Variants in BOLA3 observed in about 807,000 individuals in gnomAD.
BOLA3 encodes bolA family member 3.
In BOLA3, 8 loss-of-function variants were observed where a neutral mutation model predicts 14.5. That is an observed-to-expected ratio of 0.55 (90% CI 0.32 to 0.99). The LOEUF (loss-of-function observed/expected upper bound fraction) is 0.99. BOLA3 is among the 50% of genes least tolerant of loss of function. BOLA3 has a pLI of 0.04. For synonymous variants in BOLA3, 42 were observed against 45.7 expected, an observed-to-expected ratio of 0.92 and a Z score of 0.33; for missense variants, 115 against 138.2, an observed-to-expected ratio of 0.83 and a Z score of 0.84.
At position 74,136,013 on chromosome 2, in the gene BOLA3, G is replaced by A. The variant is rs9917178; in HGVS notation, c.259-355C>T. ...CGCCGAAGTTGGAGTGCAGTGGCGCGATATCGGCTTACTGCAAACTCCACC... is the reference window on the plus strand; with the variant it reads ...CGCCGAAGTTGGAGTGCAGTGGCGCAATATCGGCTTACTGCAAACTCCACC... On this transcript the variant is annotated intron_variant, in intron 3 of 3. Transcript: ENST00000327428. Among the ~76,000 whole-genome samples, 802 of 150,072 alleles carry A rather than the reference G, an allele frequency of 5.3e-3. 7 individuals carry two copies. Among genetic ancestry groups the A allele is most frequent in the African/African-American group, 0.018 (746 of 40,838 alleles).
chr2:74,142,347 C>T lies in BOLA3; in HGVS notation c.183G>A (p.Ala61=), dbSNP rs574945131. Residue 61 remains alanine, a synonymous_variant, in exon 3 of 4, where the codon GCG becomes GCA. Transcript: ENST00000327428. ...KVTDISGGCG[A]MYEIKIESEE... ...CTGATTCAATTTTAATTTCATACATCGCCCCACAACCTCCTAAAATAAACA... is the reference window on the plus strand; with the variant it reads ...CTGATTCAATTTTAATTTCATACATTGCCCCACAACCTCCTAAAATAAACA... The T allele has an allele frequency of 5.0e-6, 8 of 1,612,596 alleles. No homozygotes were observed. The highest frequency in any genetic ancestry group is 3.3e-5 in the South Asian group (3 of 91,052).
chr2:74,146,075 T>G (rs955167321), intron 1 of BOLA3: 9 of 151,562 alleles, frequency 5.9e-5, no homozygotes, highest in African/African-American at 2.2e-4. Flanking sequence ...TCACTGCAAC[T>G]TCCACCTCCC....
intron 2 of BOLA3, among the ~76,000 whole-genome samples, chr2:74,144,521 G>C (rs1692506994): frequency 6.6e-6 from 1 of 151,506 alleles, no homozygotes; most frequent in Non-Finnish European, 1.5e-5. Context: ...GTGTGTACGT[G>C]TGTGTGTGTG....
chr2:74,139,746 T>C (rs551728350), intron 3 of BOLA3, among the ~76,000 whole-genome samples: 1 of 152,326 alleles, frequency 6.6e-6, no homozygotes, highest in East Asian at 1.9e-4. Flanking sequence ...CCCCCTCATG[T>C]CAGCTGCCTG....
At chr2:74,138,445 T>C (rs1025257028) in intron 3 of BOLA3, among the ~76,000 whole-genome samples, 1 of 152,208 alleles carries the variant, frequency 6.6e-6, no homozygotes, top group Non-Finnish European at 1.5e-5. Flanking sequence ...CACTGGTGAC[T>C]GGGGTGGACG....
intron 3 of BOLA3, among the ~76,000 whole-genome samples, chr2:74,139,258 ACT>A (rs1370147715): frequency 6.6e-6 from 1 of 151,972 alleles, no homozygotes; most frequent in African/African-American, 2.4e-5. Context: ...GAAAATTCTG[ACT>A]CTACAGCACC....
chr2:74,142,109 G>A (rs1344435624), intron 3 of BOLA3, among the ~76,000 whole-genome samples, 163 bp downstream of exon 3: 2 of 152,228 alleles, frequency 1.3e-5, no homozygotes, highest in Non-Finnish European at 2.9e-5. Flanking sequence ...CCACAATGCA[G>A]ATACTCCCAG....
chr2:74,135,506 A>AT lies in BOLA3; in HGVS notation c.*86dup. The AT allele has an allele frequency of 1.3e-6, 2 of 1,572,630 alleles. No homozygotes were observed. Among genetic ancestry groups the AT allele is most frequent in the East Asian group, 2.2e-5 (1 of 44,692 alleles). On this transcript the variant is annotated 3_prime_UTR_variant, in exon 4 of 4. Transcript: ENST00000327428. ...AAATGTATATGAGCAAAATATATAA[A>AT]TTTTTTGGTGACTGCTTAGGGAAGA...
chr2:74,138,934 T>C (rs1174363449), intron 3 of BOLA3, among the ~76,000 whole-genome samples: 1 of 152,194 alleles, frequency 6.6e-6, no homozygotes, highest in East Asian at 1.9e-4. Context: ...TACTCTACCC[T>C]TGCTGACACC....
intron 3 of BOLA3, 52 bp downstream of exon 3, chr2:74,142,220 C>T: frequency 1.5e-6 from 2 of 1,362,734 alleles, no homozygotes; most frequent in Non-Finnish European, 2.1e-6. Flanking sequence ...GCTTGGCAGG[C>T]CCCTTTGGAG....
intron 3 of BOLA3, among the ~76,000 whole-genome samples, chr2:74,141,249 T>C (rs997478212): frequency 2.0e-5 from 3 of 151,858 alleles, no homozygotes; most frequent in African/African-American, 4.8e-5. Context: ...CTACGTTCCA[T>C]GAGAAACACA....
chr2:74,137,132 A>G (rs992611101), intron 3 of BOLA3, among the ~76,000 whole-genome samples: 1 of 152,206 alleles, frequency 6.6e-6, no homozygotes, highest in Non-Finnish European at 1.5e-5. Context: ...ACTCTATTGT[A>G]TAATTCTGGT....
At chr2:74,140,944 C>T (rs965998505) in intron 3 of BOLA3, among the ~76,000 whole-genome samples, 3 of 152,246 alleles carry the variant, frequency 2.0e-5, no homozygotes, top group African/African-American at 7.2e-5. Flanking sequence ...ATTCCAGAAA[C>T]TGCTTCCTTA....
rs828884 is a variant in BOLA3 at position 74,147,514 on chromosome 2, C to T, written c.54+307G>A. The T allele has an allele frequency of 0.42, 182,590 of 430,692 alleles. 41,941 individuals are homozygous for T. The highest frequency in any genetic ancestry group is 0.65 in the African/African-American group (30,194 of 46,624). 26.7% of individuals were successfully genotyped at this position (430,692 alleles called of 1,614,324 possible). A position where few individuals can be genotyped will look rare whatever the true frequency, so the allele number is the denominator to read the frequency against. ...TGACTCCTGTCTTCTGCTCGGTAAA[C>T]CAATCCTTTTTTTTTCCTGTGCCCG... On this transcript the variant is annotated intron_variant, in intron 1 of 3. Coordinates refer to ENST00000327428, the MANE Select transcript of BOLA3 (RefSeq NM_212552.3).
chr2:74,147,419 G>A (rs1472175148), intron 1 of BOLA3: 1 of 281,646 alleles, frequency 3.6e-6, no homozygotes, highest in Non-Finnish European at 6.7e-6. Context: ...CAAGGTCAGA[G>A]GCCCAGTCGA....
At position 74,145,180 on chromosome 2, in the gene BOLA3, A is replaced by G; in HGVS notation, c.169+9T>C. 6.7e-7 allele frequency: 1 copy of G among 1,490,186 alleles called. No individual in the cohort carries two copies. The highest frequency in any genetic ancestry group is 1.1e-5 in the South Asian group (1 of 88,594). The allele number at this position is 1,490,186 out of a possible 1,614,324, so 92.3% of individuals were successfully genotyped here. A position where few individuals can be genotyped will look rare whatever the true frequency, so the allele number is the denominator to read the frequency against. ...CCAAGCGCCGTAGGAAGAGTGAGAG[A>G]AACCTTACCTGAAATGTCAGTGACT... On this transcript the variant is annotated intron_variant, in intron 2 of 3. Coordinates refer to ENST00000327428, the MANE Select transcript of BOLA3 (RefSeq NM_212552.3).
At chr2:74,144,710 T>C (rs990585563) in intron 2 of BOLA3, among the ~76,000 whole-genome samples, 7 of 152,216 alleles carry the variant, frequency 4.6e-5, no homozygotes, top group Admixed American at 2.6e-4. Context: ...CGGTTCTGGT[T>C]CCAGTTCCAC....
intron 2 of BOLA3, among the ~76,000 whole-genome samples, chr2:74,144,638 G>T (rs1236068218): frequency 6.6e-6 from 1 of 152,224 alleles, no homozygotes; most frequent in Non-Finnish European, 1.5e-5. Flanking sequence ...GTGGCCACCT[G>T]AGAAGGACAG....
intron 1 of BOLA3, chr2:74,147,538 C>A: frequency 2.0e-6 from 1 of 492,524 alleles, no homozygotes; most frequent in Non-Finnish European, 3.6e-6. Flanking sequence ...TTCCTGTGCC[C>A]GCAGTATTAT....
Sources: gnomAD v4.1 joint callset for allele counts (sites outside exome capture counted in the v4.1 genomes callset) on GRCh38, gnomAD v4.1.1 for gene constraint, MANE v1.5 for transcripts, NCBI Gene and HGNC (gene_info 2026-07-23, HGNC 2026-07-21) for gene names.